Variants in CYP26B1 observed in about 807,000 individuals in gnomAD.
CYP26B1 encodes cytochrome P450 family 26 subfamily B member 1, also known as cytochrome P450 26B1.
In CYP26B1, 8 loss-of-function variants were observed where a neutral mutation model predicts 39.1. The ratio of observed to expected loss-of-function variants is 0.20; its 90% CI spans 0.12 to 0.37. The LOEUF is 0.37. Ranked by LOEUF, CYP26B1 falls within the 10% of genes least tolerant of loss-of-function variation. The probability of loss-of-function intolerance (pLI) is 1.00; values close to 1 mark genes in which losing one functional copy is unlikely to be tolerated. For missense variants in CYP26B1, 615 were observed against 707.0 expected, an observed-to-expected ratio of 0.87 and a Z score of 1.48; for synonymous variants, 321 against 314.3, an observed-to-expected ratio of 1.02 and a Z score of -0.23.
Position 72,147,294 on chromosome 2 carries a change from C to G in CYP26B1, c.204+337G>C, listed in dbSNP as rs1170376504. Among the ~76,000 whole-genome samples, 1 of 152,164 alleles carries G rather than the reference C, an allele frequency of 6.6e-6. No homozygotes were observed. Among genetic ancestry groups the G allele is most frequent in the Non-Finnish European group, 1.5e-5 (1 of 68,018 alleles). On this transcript the variant is annotated intron_variant, in intron 1 of 5. Transcript: ENST00000001146. The surrounding 1 kb of genome is among the most constrained non-coding windows in gnomAD (Gnocchi z 6.1). ...AGGCGAAAGCGGCTCAGGACCGGAC[C>G]CTCCCCCGGGACCGCGCCTCGCTAG... is the stretch of plus-strand genomic sequence containing the variant.
chr2:72,144,272 G>C, intron 1 of CYP26B1, 59 bp from the exon 2 acceptor site: 1 of 1,552,774 alleles, frequency 6.4e-7, no homozygotes, highest in Non-Finnish European at 8.7e-7. Flanking sequence ...GCCCGCGAGG[G>C]AGGGGCGGCG....
At chr2:72,140,675 C>T (rs972798150) in intron 2 of CYP26B1, among the ~76,000 whole-genome samples, 3 of 152,250 alleles carry the variant, frequency 2.0e-5, no homozygotes, top group Non-Finnish European at 4.4e-5. Context: ...GAGGCACCTC[C>T]TCGCTTCTCC....
intron 2 of CYP26B1, among the ~76,000 whole-genome samples, chr2:72,136,801 T>C (rs1049168801): frequency 6.6e-6 from 1 of 152,164 alleles, no homozygotes; most frequent in African/African-American, 2.4e-5. Flanking sequence ...CCAACCCTCA[T>C]GTCCTTAGGA....
chr2:72,144,888 C>T (rs1450538529), intron 1 of CYP26B1, among the ~76,000 whole-genome samples: 4 of 152,172 alleles, frequency 2.6e-5, no homozygotes, highest in Non-Finnish European at 5.9e-5. Context: ...CAGGGCGACC[C>T]GCGCAGGTAA....
rs762485791 is a variant in CYP26B1, at chr2:72,132,361, G to C, written c.1405C>G (p.Arg469Gly). 3.1e-6 allele frequency: 5 copies of C among 1,611,350 alleles called. No homozygotes were observed. Among genetic ancestry groups the C allele is most frequent in the Admixed American group, 3.3e-5 (2 of 59,820 alleles). ...ACCAAGGTGATGCGGGGGAAGGTCC[G>C]TGTGGCCAGCTCAAAGCGGCTGGTG... is the stretch of plus-strand genomic sequence containing the variant. ...ASTSRFELATRTFPRITLVPV... is the reference protein window; with the variant it reads ...ASTSRFELATGTFPRITLVPV... Residue 469 changes from arginine to glycine, a missense_variant, in exon 6 of 6, where the codon CGG becomes GGG. Transcript: ENST00000001146.
At chr2:72,139,011 T>A (rs1010590536) in intron 2 of CYP26B1, among the ~76,000 whole-genome samples, 1 of 152,314 alleles carries the variant, frequency 6.6e-6, no homozygotes, top group South Asian at 2.1e-4. Flanking sequence ...GGAGTTGCTC[T>A]GTGAACCCCA....
intron 4 of CYP26B1, 27 bp downstream of exon 4, chr2:72,134,734 C>G: frequency 6.2e-7 from 1 of 1,602,416 alleles, no homozygotes; most frequent in South Asian, 1.1e-5. Context: ...GCTGGTGCTG[C>G]CCGTGAGGGG....
intron 2 of CYP26B1, among the ~76,000 whole-genome samples, chr2:72,137,345 G>C (rs548350812): frequency 7.2e-5 from 11 of 152,198 alleles, no homozygotes; most frequent in Non-Finnish European, 1.5e-4. Flanking sequence ...CCAAGCCTCA[G>C]TTTCCTCATC....
rs1261134593 is a variant in CYP26B1 at position 72,134,745 on chromosome 2, C to T, written c.861+16G>A. Reference sequence around the variant, plus strand: ...GGGTGCTGGTGCTGCCCGTGAGGGGCACACGCCCACCCCACCTTCAGCTCC... The same window carrying T: ...GGGTGCTGGTGCTGCCCGTGAGGGGTACACGCCCACCCCACCTTCAGCTCC... On this transcript the variant is annotated intron_variant, in intron 4 of 5. Transcript: ENST00000001146. The T allele has an allele frequency of 6.2e-7, 1 of 1,608,432 alleles. No homozygotes were observed. Among genetic ancestry groups the T allele is most frequent in the African/African-American group, 1.3e-5 (1 of 74,776 alleles).
At chr2:72,135,684 C>T (rs1365090288) in intron 2 of CYP26B1, among the ~76,000 whole-genome samples, 3 of 152,210 alleles carry the variant, frequency 2.0e-5, no homozygotes, top group Admixed American at 1.3e-4. Context: ...GGACACAGGA[C>T]GGAAGTGCCC....
rs947483241 is a variant in CYP26B1, at chr2:72,130,850, C to T, written c.*1377G>A. On this transcript the variant is annotated 3_prime_UTR_variant, in exon 6 of 6. Coordinates refer to ENST00000001146, the MANE Select transcript of CYP26B1 (RefSeq NM_019885.4). ...CTGCGGCAGCCTTCCCGCAGCTGTCCGGAGACCACACAGGGCCCTGCAATC... is the reference window on the plus strand; with the variant it reads ...CTGCGGCAGCCTTCCCGCAGCTGTCTGGAGACCACACAGGGCCCTGCAATC... 3 of 152,192 alleles carry T rather than the reference C, an allele frequency of 2.0e-5. No individual in the cohort carries two copies. Among genetic ancestry groups the T allele is most frequent in the East Asian group, 1.9e-4 (1 of 5,188 alleles). The allele number at this position is 152,192 out of a possible 1,614,324, so 9.4% of individuals were successfully genotyped here. A position where few individuals can be genotyped will look rare whatever the true frequency, so the allele number is the denominator to read the frequency against.
intron 1 of CYP26B1, among the ~76,000 whole-genome samples, chr2:72,145,594 C>G (rs1345036844): frequency 6.6e-6 from 1 of 152,238 alleles, no homozygotes; most frequent in Admixed American, 6.5e-5. Flanking sequence ...ATACCCGTCT[C>G]CCTCGCTCCG....
At chr2:72,146,649 T>A (rs1398544424) in intron 1 of CYP26B1, among the ~76,000 whole-genome samples, 1 of 152,208 alleles carries the variant, frequency 6.6e-6, no homozygotes, top group African/African-American at 2.4e-5. Flanking sequence ...GTGCGGGGAT[T>A]GTCAGTTTCA....
chr2:72,131,766 C>A lies in CYP26B1; in HGVS notation c.*461G>T. 1 of 168,386 alleles carries A rather than the reference C, an allele frequency of 5.9e-6. No individual in the cohort carries two copies. Among genetic ancestry groups the A allele is most frequent in the Non-Finnish European group, 1.3e-5 (1 of 78,152 alleles). The allele number at this position is 168,386 out of a possible 1,614,324, so 10.4% of individuals were successfully genotyped here. The stretch of plus-strand genomic sequence containing the variant: ...CAAGGTTGACTCCTGTTCTGCTACC[C>A]AGGATGCTGTTCCTGGGCAGACGCA... On this transcript the variant is annotated 3_prime_UTR_variant, in exon 6 of 6. Transcript: ENST00000001146.
intron 2 of CYP26B1, among the ~76,000 whole-genome samples, chr2:72,138,703 C>T (rs1185278764): frequency 1.3e-5 from 2 of 152,130 alleles, no homozygotes; most frequent in South Asian, 2.1e-4. Context: ...AGCCCAGGAG[C>T]GCATGTCCAG....
At chr2:72,132,934 T>C in intron 5 of CYP26B1, 89 bp downstream of exon 5, 1 of 1,585,394 alleles carries the variant, frequency 6.3e-7, no homozygotes, top group Non-Finnish European at 8.6e-7. Context: ...AGGCCTGAAG[T>C]CCCTGAAATG....
chr2:72,143,996 T>A lies in CYP26B1; in HGVS notation c.422A>T (p.Lys141Met). The A allele has an allele frequency of 1.9e-6, 3 of 1,613,480 alleles. No individual in the cohort carries two copies. Among genetic ancestry groups the A allele is most frequent in the Non-Finnish European group, 2.5e-6 (3 of 1,180,008 alleles). ...AACGGGCAGAGTTCTTACCTTGCGC[T>A]TGTTGCGGTGGATGTCGCCAATGGA... is the stretch of plus-strand genomic sequence containing the variant. ...SNSIGDIHRN[K>M]RKVFSKIFSH... The change falls in exon 2 of 6, where the codon AAG becomes ATG. Residue 141 changes from lysine (K) to methionine (M), a missense_variant. By Grantham distance (95) the Lys-to-Met change is moderately conservative. Coordinates refer to ENST00000001146, the MANE Select transcript of CYP26B1 (RefSeq NM_019885.4).
rs371302394 is a variant in CYP26B1 at position 72,147,010 on chromosome 2, C to T, written c.204+621G>A. ...CCAATAAGTAAATAGACCCTTTTCC[C>T]CGAAAGCCTAGAGCCCTGGATTCTC... On this transcript the variant is annotated intron_variant, in intron 1 of 5. Transcript: ENST00000001146. This position sits in a 1 kb window ranked among gnomAD's most constrained non-coding sequence, Gnocchi z 6.1. 3.3e-5 allele frequency among the ~76,000 whole-genome samples: 5 copies of T among 152,314 alleles called. No individual in the cohort carries two copies. In the East Asian group the frequency reaches 9.7e-4, roughly 29 times the overall value.
At chr2:72,144,604 C>T (rs1013176038) in intron 1 of CYP26B1, 122 of 647,156 alleles carry the variant, frequency 1.9e-4, no homozygotes, top group Middle Eastern at 7.8e-4. Context: ...CACGGGCTGG[C>T]GAGACCCCGC....
Sources: gnomAD v4.1 joint callset for allele counts (sites outside exome capture counted in the v4.1 genomes callset) on GRCh38, gnomAD v4.1.1 for gene constraint, Gnocchi (gnomAD v3.1) non-coding constraint, MANE v1.5 for transcripts, NCBI Gene and HGNC (gene_info 2026-07-23, HGNC 2026-07-21) for gene names.